KIRREL3: variants seen among roughly 807,000 people sequenced by gnomAD.
The protein encoded by KIRREL3 is kirre like nephrin family adhesion molecule 3.
In KIRREL3, 36 loss-of-function variants were observed where a neutral mutation model predicts 89.7. That is an observed-to-expected ratio of 0.40 (90% CI 0.31 to 0.53). KIRREL3 has a LOEUF of 0.53. Ranked by LOEUF, KIRREL3 falls within the 20% of genes least tolerant of loss-of-function variation. KIRREL3 has a pLI of 0.49. For synonymous variants in KIRREL3, 445 were observed against 441.4 expected (o/e 1.01, Z -0.10); for missense variants, 864 against 1,056.6 (o/e 0.82, Z 2.53).
In KIRREL3 at chr11:126,492,759, G is replaced by A. The variant is rs12225879; in HGVS notation, c.434-19293C>T. ...TGCTGAGGGGGCTCTGAGCTGGACCGTGCAGGGAGGACTGGCTTCTTACCT... is the reference window on the plus strand; with the variant it reads ...TGCTGAGGGGGCTCTGAGCTGGACCATGCAGGGAGGACTGGCTTCTTACCT... On this transcript the variant is annotated intron_variant, in intron 4 of 16. Transcript: ENST00000525144. This position sits in a 1 kb window ranked among gnomAD's most constrained non-coding sequence, Gnocchi z 4.8. Among the ~76,000 whole-genome samples, 5 of 152,302 alleles carry A rather than the reference G, an allele frequency of 3.3e-5. No homozygotes were observed. Among genetic ancestry groups the A allele is most frequent in the East Asian group, 3.9e-4 (2 of 5,166 alleles).
At chr11:126,559,926 G>A (rs1367215879) in intron 2 of KIRREL3, among the ~76,000 whole-genome samples, 1 of 152,030 alleles carries the variant, frequency 6.6e-6, no homozygotes, top group Non-Finnish European at 1.5e-5. Flanking sequence ...CAAGTGATCT[G>A]CCTGCCTTGG....
chr11:126,657,932 C>T (rs2134999960), intron 1 of KIRREL3, among the ~76,000 whole-genome samples: 1 of 152,326 alleles, frequency 6.6e-6, no homozygotes, highest in South Asian at 2.1e-4. Context: ...CAGCAGAGCG[C>T]AATTCATGAC....
chr11:126,560,404 T>C (rs1357662021), intron 2 of KIRREL3, among the ~76,000 whole-genome samples: 7 of 152,216 alleles, frequency 4.6e-5, no homozygotes, highest in Non-Finnish European at 1.0e-4. Context: ...GACTATCACG[T>C]GCCTCCTTAA....
At chr11:126,762,402 T>G (rs1275030451) in intron 1 of KIRREL3, among the ~76,000 whole-genome samples, 1 of 152,198 alleles carries the variant, frequency 6.6e-6, no homozygotes, top group African/African-American at 2.4e-5. Flanking sequence ...TTCTTTAAAA[T>G]GCATTCTTCT....
rs894240312 is a variant in KIRREL3 at position 126,912,352 on chromosome 11, T to G, written c.55+88103A>C. 6.6e-6 allele frequency among the ~76,000 whole-genome samples: 1 copy of G among 152,054 alleles called. No homozygotes were observed. Among genetic ancestry groups the G allele is most frequent in the Non-Finnish European group, 1.5e-5 (1 of 67,994 alleles). ...GGTCCTCCCTCAGCTCCCTCTCCTG[T>G]CTTCACCTCCCTGGGCCATGTCTCT... On this transcript the variant is annotated intron_variant, in intron 1 of 16. Transcript: ENST00000525144. The surrounding 1 kb of genome is among the most constrained non-coding windows in gnomAD (Gnocchi z 4.7).
rs1325976931 is a variant in KIRREL3 at position 126,440,861 on chromosome 11, G to A, written c.1253-312C>T. ...AGATAAAGTGCTAACCGACTTCAGA[G>A]GAGAGAGAATAATTCTATCTGGCGG... On this transcript the variant is annotated intron_variant, in intron 10 of 16. Transcript: ENST00000525144. The A allele has an allele frequency of 4.1e-5, 18 of 437,898 alleles. No homozygotes were observed. The Admixed American group carries it at 7.1e-4, about 17-fold the overall frequency. The allele number at this position is 437,898 out of a possible 1,614,324, so 27.1% of individuals were successfully genotyped here.
rs573233943 is a variant in KIRREL3, at chr11:126,529,620, A to G, written c.134-2933T>C. 4.4e-3 allele frequency among the ~76,000 whole-genome samples: 579 copies of G among 132,572 alleles called. 2 individuals are homozygous for G. The highest frequency in any genetic ancestry group is 7.1e-3 in the Non-Finnish European group (447 of 63,314). The allele number at this position is 132,572 out of a possible 152,430, so 87.0% of individuals were successfully genotyped here. A position where few individuals can be genotyped will look rare whatever the true frequency, so the allele number is the denominator to read the frequency against. On this transcript the variant is annotated intron_variant, in intron 2 of 16. Transcript: ENST00000525144. ...TCGGTCTCAAAAAAAAAAAAAAAAG[A>G]CCTTCCTAGAGCCTCTCGCATTCTG... is the stretch of plus-strand genomic sequence containing the variant.
At chr11:126,911,244 C>A (rs536891849) in intron 1 of KIRREL3, among the ~76,000 whole-genome samples, 380 of 152,282 alleles carry the variant, frequency 2.5e-3, no homozygotes, top group African/African-American at 8.0e-3. Flanking sequence ...TAAAAAGCAG[C>A]CACCATGCTG....
At position 126,940,369 on chromosome 11, in the gene KIRREL3, T is replaced by C. The variant is rs1184449005; in HGVS notation, c.55+60086A>G. 1 of 150,972 alleles carries C rather than the reference T, an allele frequency of 6.6e-6. No homozygotes were observed. The highest frequency in any genetic ancestry group is 1.9e-4 in the East Asian group (1 of 5,148). The allele number at this position is 150,972 out of a possible 1,614,324, so 9.4% of individuals were successfully genotyped here. A position where few individuals can be genotyped will look rare whatever the true frequency, so the allele number is the denominator to read the frequency against. On this transcript the variant is annotated intron_variant, in intron 1 of 16. Transcript: ENST00000525144. The surrounding 1 kb of genome is among the most constrained non-coding windows in gnomAD (Gnocchi z 4.6). ...ATAAAAAGATTTATAATTACGCCAGTAGATTTACTTTTGCTATGCCGCCCT... is the reference window on the plus strand; with the variant it reads ...ATAAAAAGATTTATAATTACGCCAGCAGATTTACTTTTGCTATGCCGCCCT...
intron 1 of KIRREL3, among the ~76,000 whole-genome samples, chr11:126,691,787 G>A (rs1946886570): frequency 6.6e-6 from 1 of 152,106 alleles, no homozygotes; most frequent in African/African-American, 2.4e-5. Flanking sequence ...GTTTATTATA[G>A]TACTGAAGAG....
rs1010577567 is a variant in KIRREL3 at position 126,883,540 on chromosome 11, T to C, written c.55+116915A>G. 3.9e-5 allele frequency among the ~76,000 whole-genome samples: 6 copies of C among 152,066 alleles called. No homozygotes were observed. Among genetic ancestry groups the C allele is most frequent in the African/African-American group, 1.4e-4 (6 of 41,400 alleles). On this transcript the variant is annotated intron_variant, in intron 1 of 16. Transcript: ENST00000525144. This position sits in a 1 kb window ranked among gnomAD's most constrained non-coding sequence, Gnocchi z 4.1. The stretch of plus-strand genomic sequence containing the variant: ...ACTCATCTTCTCCACCTGGAAAAAA[T>C]CCAAACCTTTGATGAAGTTTGGGTA...
In KIRREL3 at chr11:126,876,470, C is replaced by T. The variant is rs1404726478; in HGVS notation, c.55+123985G>A. On this transcript the variant is annotated intron_variant, in intron 1 of 16. Coordinates refer to ENST00000525144, the MANE Select transcript of KIRREL3 (RefSeq NM_032531.4). This position sits in a 1 kb window ranked among gnomAD's most constrained non-coding sequence, Gnocchi z 4.1. Reference sequence around the variant, plus strand: ...GGCAAGTGGGGACACACTGTGCTATCCCTGCTCACTGTTGCACCTGATACA... The same window carrying T: ...GGCAAGTGGGGACACACTGTGCTATTCCTGCTCACTGTTGCACCTGATACA... Among the ~76,000 whole-genome samples the T allele has an allele frequency of 6.6e-6, 1 of 152,086 alleles. No individual in the cohort carries two copies. Among genetic ancestry groups the T allele is most frequent in the Non-Finnish European group, 1.5e-5 (1 of 68,030 alleles).
Position 126,912,200 on chromosome 11 carries a change from A to G in KIRREL3, c.55+88255T>C, listed in dbSNP as rs1946850422. ...TTTCAGAAGGACAAAGTGGAATGAA[A>G]GCACAAGCCATCAATAGCATGGTCA... On this transcript the variant is annotated intron_variant, in intron 1 of 16. Coordinates refer to ENST00000525144, the MANE Select transcript of KIRREL3 (RefSeq NM_032531.4). The surrounding 1 kb of genome is among the most constrained non-coding windows in gnomAD (Gnocchi z 4.7). Among the ~76,000 whole-genome samples the G allele has an allele frequency of 6.6e-6, 1 of 152,000 alleles. No individual in the cohort carries two copies. Among genetic ancestry groups the G allele is most frequent in the African/African-American group, 2.4e-5 (1 of 41,378 alleles).
rs951636409 is a variant in KIRREL3, at chr11:126,817,737, C to T, written c.55+182718G>A. On this transcript the variant is annotated intron_variant, in intron 1 of 16. Transcript: ENST00000525144. This position sits in a 1 kb window ranked among gnomAD's most constrained non-coding sequence, Gnocchi z 5.7. ...ACTTGTTCACATCCTGTCACGCTAG[C>T]TAATGATAGCATTTGTAGGGCAGCT... Among the ~76,000 whole-genome samples the T allele has an allele frequency of 2.0e-5, 3 of 152,328 alleles. No individual in the cohort carries two copies. The highest frequency in any genetic ancestry group is 2.9e-5 in the Non-Finnish European group (2 of 68,034).
intron 1 of KIRREL3, among the ~76,000 whole-genome samples, chr11:126,984,319 G>A (rs11822120): frequency 0.023 from 3,533 of 152,328 alleles, 123 homozygotes; most frequent in African/African-American, 0.079. Context: ...CACCAGGCAA[G>A]TGACAGAGCC....
At position 126,647,350 on chromosome 11, in the gene KIRREL3, T is replaced by A. The variant is rs1944729301; in HGVS notation, c.56-84438A>T. Among the ~76,000 whole-genome samples, 1 of 152,182 alleles carries A rather than the reference T, an allele frequency of 6.6e-6. No individual in the cohort carries two copies. Among genetic ancestry groups the A allele is most frequent in the Non-Finnish European group, 1.5e-5 (1 of 68,030 alleles). On this transcript the variant is annotated intron_variant, in intron 1 of 16. Transcript: ENST00000525144. The surrounding 1 kb of genome is among the most constrained non-coding windows in gnomAD (Gnocchi z 4.9). The stretch of plus-strand genomic sequence containing the variant: ...ATTCACGCATCCAACAAATATTTAA[T>A]GAGTTTCTGCTAGGTAAGGAAACCC...
intron 4 of KIRREL3, among the ~76,000 whole-genome samples, chr11:126,514,886 G>A (rs894400343): frequency 6.6e-6 from 1 of 151,278 alleles, no homozygotes; most frequent in East Asian, 1.9e-4. Context: ...ATTGTCATCC[G>A]TGTTTGGGGC....
intron 1 of KIRREL3, among the ~76,000 whole-genome samples, chr11:126,637,562 G>C (rs938656836): frequency 1.3e-5 from 2 of 152,078 alleles, no homozygotes; most frequent in African/African-American, 4.8e-5. Context: ...TCAACCTACA[G>C]GTTTATTTCA....
Position 126,427,245 on chromosome 11 carries a change from G to A in KIRREL3, c.1807-1521C>T, listed in dbSNP as rs187278539. On this transcript the variant is annotated intron_variant, in intron 15 of 16. Coordinates refer to ENST00000525144, the MANE Select transcript of KIRREL3 (RefSeq NM_032531.4). This position sits in a 1 kb window ranked among gnomAD's most constrained non-coding sequence, Gnocchi z 5.3. ...CTCGTAAAACTAAACACTCCACTGT[G>A]TTAATTTTAACAGTGTCAGGCCCTG... is the stretch of plus-strand genomic sequence containing the variant. 9.2e-5 allele frequency among the ~76,000 whole-genome samples: 14 copies of A among 152,308 alleles called. No homozygotes were observed. Among genetic ancestry groups the A allele is most frequent in the Non-Finnish European group, 2.1e-4 (14 of 68,022 alleles).
Sources: allele counts gnomAD v4.1 joint callset (sites outside exome capture counted in the v4.1 genomes callset), GRCh38; gene constraint gnomAD v4.1.1; non-coding constraint Gnocchi (gnomAD v3.1); transcripts MANE v1.5; gene names NCBI Gene and HGNC (gene_info 2026-07-23, HGNC 2026-07-21).